Variants in PPARGC1A observed in about 807,000 individuals in gnomAD.
The protein encoded by PPARGC1A is peroxisome proliferator-activated receptor gamma coactivator 1-alpha.
PPARGC1A carries 25 observed loss-of-function variants against 88.7 expected under a neutral mutation model. The observed-to-expected ratio is 0.28, with a 90% CI of 0.21 to 0.39. The LOEUF (loss-of-function observed/expected upper bound fraction) is 0.39. Among genes scored for constraint, PPARGC1A ranks in the 10% least tolerant of loss-of-function variants. The probability of loss-of-function intolerance (pLI) is 1.00; values close to 1 mark genes in which losing one functional copy is unlikely to be tolerated. For missense variants in PPARGC1A, 880 were observed against 968.7 expected, an observed-to-expected ratio of 0.91 and a Z score of 1.22; for synonymous variants, 363 against 355.6, an observed-to-expected ratio of 1.02 and a Z score of -0.24.
chr4:24,213,719 A>G, the PPARGC1A span, among the ~76,000 whole-genome samples: 2 of 152,186 alleles, frequency 1.3e-5, no homozygotes, highest in Non-Finnish European at 2.9e-5. Context: ...GTGTGTGTGC[A>G]TGTGTTTGTG....
At chr4:24,264,026 C>T in the PPARGC1A span, among the ~76,000 whole-genome samples, 2 of 152,172 alleles carry the variant, frequency 1.3e-5, no homozygotes, top group Admixed American at 6.5e-5. Flanking sequence ...GCTGGGATTA[C>T]AGGTGTGAAC....
the PPARGC1A span, among the ~76,000 whole-genome samples, chr4:24,145,629 TG>T: frequency 3.3e-5 from 5 of 152,332 alleles, no homozygotes; most frequent in African/African-American, 1.2e-4. Flanking sequence ...GGAGAGGCAA[TG>T]TTTAAAAATC....
At chr4:23,806,789 T>G (rs1011162816) in intron 10 of PPARGC1A, among the ~76,000 whole-genome samples, 1 of 152,206 alleles carries the variant, frequency 6.6e-6, no homozygotes, top group Admixed American at 6.5e-5. Flanking sequence ...GCTTCCCAGT[T>G]ACTGGAGGAA....
At chr4:23,805,713 C>T (rs1719678902) in intron 10 of PPARGC1A, among the ~76,000 whole-genome samples, 1 of 152,122 alleles carries the variant, frequency 6.6e-6, no homozygotes, top group South Asian at 2.1e-4. Flanking sequence ...TTCCTGGCGC[C>T]TGCTTTCACG....
chr4:24,389,780 C>T, the PPARGC1A span, among the ~76,000 whole-genome samples: 1 of 152,006 alleles, frequency 6.6e-6, no homozygotes, highest in East Asian at 1.9e-4. Flanking sequence ...GAGCTCAGAC[C>T]CATTAGATAG....
upstream of PPARGC1A, among the ~76,000 whole-genome samples, chr4:23,906,482 G>T (rs1720048208): frequency 6.6e-6 from 1 of 151,548 alleles, no homozygotes; most frequent in African/African-American, 2.4e-5. Flanking sequence ...GCATGGTGGT[G>T]CATGCCTGTA....
At chr4:24,321,942 C>T in the PPARGC1A span, among the ~76,000 whole-genome samples, 6 of 152,162 alleles carry the variant, frequency 3.9e-5, no homozygotes, top group Non-Finnish European at 7.4e-5. Flanking sequence ...GACCGAAGTG[C>T]TCAAATCAAA....
At chr4:23,878,557 T>C in intron 2 of PPARGC1A, among the ~76,000 whole-genome samples, 1 of 152,116 alleles carries the variant, frequency 6.6e-6, no homozygotes, top group East Asian at 1.9e-4. Context: ...GTCAGCATAA[T>C]GGCAGGGAAG....
the PPARGC1A span, among the ~76,000 whole-genome samples, chr4:24,438,118 G>C: frequency 1.3e-5 from 2 of 152,324 alleles, no homozygotes; most frequent in South Asian, 2.1e-4. Flanking sequence ...CAGGGAGATG[G>C]AGAAAGATAA....
the PPARGC1A span, among the ~76,000 whole-genome samples, chr4:23,931,547 C>T: frequency 2.0e-5 from 3 of 151,974 alleles, no homozygotes; most frequent in South Asian, 4.2e-4. Context: ...AGGAAGGTGA[C>T]CCATTCACTC....
At chr4:24,407,847 A>C in the PPARGC1A span, among the ~76,000 whole-genome samples, 4 of 152,212 alleles carry the variant, frequency 2.6e-5, no homozygotes, top group East Asian at 1.9e-4. Flanking sequence ...CATAGTTAGC[A>C]CACAGTAAAT....
chr4:24,339,835 T>C, the PPARGC1A span, among the ~76,000 whole-genome samples: 6 of 152,190 alleles, frequency 3.9e-5, no homozygotes, highest in East Asian at 1.2e-3. Flanking sequence ...ACCTGCCGGG[T>C]TCACTCCATT....
chr4:24,262,001 A>T, the PPARGC1A span, among the ~76,000 whole-genome samples: 3 of 152,212 alleles, frequency 2.0e-5, no homozygotes, highest in African/African-American at 7.2e-5. Context: ...ACAGACCCAT[A>T]CTTAGGAATC....
chr4:24,011,054 T>C, the PPARGC1A span, among the ~76,000 whole-genome samples: 1 of 152,152 alleles, frequency 6.6e-6, no homozygotes, highest in Admixed American at 6.6e-5. Flanking sequence ...GTAGCAGAAA[T>C]AGGACCTTTG....
chr4:24,423,813 G>C, the PPARGC1A span, among the ~76,000 whole-genome samples: 1 of 152,120 alleles, frequency 6.6e-6, no homozygotes, highest in African/African-American at 2.4e-5. Flanking sequence ...AACAGACCAG[G>C]GAAAAGTCAA....
chr4:24,002,107 G>C, the PPARGC1A span, among the ~76,000 whole-genome samples: 11 of 149,956 alleles, frequency 7.3e-5, no homozygotes, highest in African/African-American at 2.5e-4. Context: ...CAGAGAGAGA[G>C]AGAGAGAGAG....
At chr4:23,928,770 C>CAAAAA in the PPARGC1A span, among the ~76,000 whole-genome samples, 1 of 136,214 alleles carries the variant, frequency 7.3e-6, no homozygotes, top group African/African-American at 2.7e-5. Context: ...ACAAAAAAAA[C>CAAAAA]AAAAAAAAAC....
chr4:24,416,505 A>G, the PPARGC1A span, among the ~76,000 whole-genome samples: 1 of 152,184 alleles, frequency 6.6e-6, no homozygotes, highest in East Asian at 1.9e-4. Flanking sequence ...TGAGGGCCAG[A>G]GACAAAGACC....
chr4:24,355,272 A>G, the PPARGC1A span, among the ~76,000 whole-genome samples: 1 of 152,238 alleles, frequency 6.6e-6, no homozygotes. Context: ...GTCAAGGGAC[A>G]TGCTAAGCAA....
Sources: gnomAD v4.1 joint callset for allele counts (sites outside exome capture counted in the v4.1 genomes callset) on GRCh38, gnomAD v4.1.1 for gene constraint, MANE v1.5 for transcripts, NCBI Gene and HGNC (gene_info 2026-07-23, HGNC 2026-07-21) for gene names.